Variants in FAAH2 observed in about 807,000 individuals in gnomAD.
FAAH2 encodes fatty-acid amide hydrolase 2.
In FAAH2, 60 loss-of-function variants were observed where a neutral mutation model predicts 36.9. The observed-to-expected ratio is 1.63, with a 90% confidence interval of 1.32 to 2.02. FAAH2 has a LOEUF of 2.02. Among genes scored for constraint, FAAH2 ranks in the 30% most tolerant of loss-of-function variants. The pLI is 0.00. For synonymous variants in FAAH2, 214 were observed against 143.8 expected (o/e 1.49, Z -3.49); for missense variants, 689 against 397.5 (o/e 1.73, Z -6.23).
At chrX:57,160,525 A>G in the FAAH2 span, among the ~76,000 whole-genome samples, 1 of 111,642 alleles carries the variant, frequency 9.0e-6, no homozygotes. Flanking sequence ...AGATCCTGTT[A>G]TTGTTCTATG....
intron 6 of FAAH2, 149 bp downstream of exon 6, chrX:57,378,935 GGATACCATGC>G (rs1311893845): frequency 4.9e-6 from 3 of 618,053 alleles, no homozygotes; most frequent in Non-Finnish European, 7.2e-6. Context: ...TTATATAAGT[GGATACCATGC>G]TTCACAAATT....
intron 5 of FAAH2, among the ~76,000 whole-genome samples, chrX:57,376,689 CA>C (rs1377111291): frequency 1.8e-5 from 2 of 111,920 alleles, no homozygotes; most frequent in Non-Finnish European, 3.8e-5. Flanking sequence ...ATTGCTGGGT[CA>C]AATGGTATTT....
intron 10 of FAAH2, among the ~76,000 whole-genome samples, chrX:57,470,250 A>C (rs1386443810): frequency 9.0e-6 from 1 of 111,480 alleles, no homozygotes; most frequent in Non-Finnish European, 1.9e-5. Flanking sequence ...AACTCAGATC[A>C]GAGAAAAACT....
At chrX:57,177,068 C>A in the FAAH2 span, among the ~76,000 whole-genome samples, 1 of 111,127 alleles carries the variant, frequency 9.0e-6, no homozygotes, top group Non-Finnish European at 1.9e-5. Context: ...AGGCTTCAGG[C>A]CAGTAGGAGC....
chrX:57,266,198 G>T, the FAAH2 span, among the ~76,000 whole-genome samples: 1 of 111,706 alleles, frequency 9.0e-6, no homozygotes, highest in Non-Finnish European at 1.9e-5. Context: ...CCTCCTACAG[G>T]TGTGTTCGGG....
chrX:57,388,711 C>G (rs912797041), intron 7 of FAAH2, among the ~76,000 whole-genome samples: 1 of 111,197 alleles, frequency 9.0e-6, no homozygotes, highest in South Asian at 3.7e-4. Flanking sequence ...CAATATCATA[C>G]AGAATAGTAG....
At chrX:57,222,819 C>G in the FAAH2 span, among the ~76,000 whole-genome samples, 3 of 111,647 alleles carry the variant, frequency 2.7e-5, no homozygotes, top group Non-Finnish European at 3.8e-5. Flanking sequence ...CCAAACCTAA[C>G]AGAACAACCC....
At chrX:57,242,977 C>A in the FAAH2 span, among the ~76,000 whole-genome samples, 49 of 112,133 alleles carry the variant, frequency 4.4e-4, no homozygotes, top group Non-Finnish European at 8.5e-4. Flanking sequence ...GGATCCCACC[C>A]CCGGAAAGCC....
intron 7 of FAAH2, among the ~76,000 whole-genome samples, chrX:57,382,903 T>C (rs903484141): frequency 7.2e-5 from 8 of 111,658 alleles, no homozygotes; most frequent in Non-Finnish European, 1.5e-4. Context: ...ATAACCCTGA[T>C]GAACATCGAT....
chrX:57,286,212 T>C (rs1042956546), upstream of FAAH2, among the ~76,000 whole-genome samples: 40 of 112,037 alleles, frequency 3.6e-4, no homozygotes, highest in African/African-American at 1.2e-3. Context: ...TCATCAGTAC[T>C]ACCTGTTAGT....
rs1350239631 is a variant in FAAH2, at chrX:57,408,009, G to A, written c.997-23909G>A. 2.7e-5 allele frequency among the ~76,000 whole-genome samples: 3 copies of A among 111,365 alleles called. No individual in the cohort carries two copies. The Admixed American group carries it at 2.9e-4, about 11-fold the overall frequency. On this transcript the variant is annotated intron_variant, in intron 7 of 10. Coordinates refer to ENST00000374900, the MANE Select transcript of FAAH2 (RefSeq NM_174912.4). ...GCTTTCAATTCTATTCAGGCAATGT[G>A]TCTGTTTTGATGCCAATACCATACT... is the stretch of plus-strand genomic sequence containing the variant.
At chrX:57,264,191 T>C in the FAAH2 span, among the ~76,000 whole-genome samples, 312 of 112,026 alleles carry the variant, frequency 2.8e-3, no homozygotes, top group African/African-American at 9.5e-3. Flanking sequence ...GAAAACATGA[T>C]ATATAAAAGG....
At chrX:57,461,825 C>CA (rs759846709) in intron 10 of FAAH2, among the ~76,000 whole-genome samples, 2 of 108,796 alleles carry the variant, frequency 1.8e-5, no homozygotes, top group Non-Finnish European at 3.8e-5. Context: ...GATAAAGACT[C>CA]AAAAAAACTT....
the FAAH2 span, among the ~76,000 whole-genome samples, chrX:57,168,825 G>T: frequency 8.9e-6 from 1 of 111,998 alleles, no homozygotes; most frequent in Admixed American, 9.5e-5. Flanking sequence ...TTTTAAATTT[G>T]TAAATACTAA....
At chrX:57,452,587 C>T (rs910228821) in intron 10 of FAAH2, among the ~76,000 whole-genome samples, 5 of 112,487 alleles carry the variant, frequency 4.4e-5, no homozygotes, top group African/African-American at 1.3e-4. Flanking sequence ...CCTATGTAAT[C>T]CGCATTGACT....
At chrX:57,164,406 A>G in the FAAH2 span, among the ~76,000 whole-genome samples, 15 of 112,324 alleles carry the variant, frequency 1.3e-4, no homozygotes, top group Non-Finnish European at 2.6e-4. Context: ...GCATTCATAA[A>G]GCTGTTTTAG....
the FAAH2 span, among the ~76,000 whole-genome samples, chrX:57,170,370 T>C: frequency 8.9e-6 from 1 of 112,015 alleles, no homozygotes; most frequent in Admixed American, 9.5e-5. Flanking sequence ...TATTCATTCA[T>C]CTGTTGATTG....
the FAAH2 span, among the ~76,000 whole-genome samples, chrX:57,194,821 T>C: frequency 2.7e-5 from 3 of 111,376 alleles, no homozygotes; most frequent in African/African-American, 9.8e-5. Flanking sequence ...TACTTATAAG[T>C]GAGAGCTATA....
At chrX:57,257,283 G>A in the FAAH2 span, among the ~76,000 whole-genome samples, 1 of 111,987 alleles carries the variant, frequency 8.9e-6, no homozygotes, top group Non-Finnish European at 1.9e-5. Context: ...CAAAGACTTG[G>A]AACCAACCCA....
Sources: allele counts gnomAD v4.1 joint callset (sites outside exome capture counted in the v4.1 genomes callset), GRCh38; gene constraint gnomAD v4.1.1; transcripts MANE v1.5; gene names NCBI Gene and HGNC (gene_info 2026-07-23, HGNC 2026-07-21).